PTPRC: variants seen among roughly 807,000 people sequenced by gnomAD.
PTPRC encodes protein tyrosine phosphatase receptor type C, also known as receptor-type tyrosine-protein phosphatase C.
PTPRC carries 44 observed loss-of-function variants against 155.9 expected under a neutral mutation model. The ratio of observed to expected loss-of-function variants is 0.28; its 90% CI spans 0.22 to 0.36. PTPRC has a LOEUF of 0.36. Among genes scored for constraint, PTPRC ranks in the 10% least tolerant of loss-of-function variants. The pLI is 1.00. For synonymous variants in PTPRC, 525 were observed against 533.1 expected, an observed-to-expected ratio of 0.98 and a Z score of 0.21; for missense variants, 1,401 against 1,564.6, an observed-to-expected ratio of 0.90 and a Z score of 1.76.
chr1:198,710,776 T>C (rs1469135774), intron 11 of PTPRC, among the ~76,000 whole-genome samples: 1 of 152,242 alleles, frequency 6.6e-6, no homozygotes, highest in Non-Finnish European at 1.5e-5. Flanking sequence ...GATCTTGCAG[T>C]CTGTCACATT....
intron 15 of PTPRC, 48 bp from the exon 16 acceptor site, chr1:198,728,292 C>T: frequency 6.8e-7 from 1 of 1,467,468 alleles, no homozygotes; most frequent in Non-Finnish European, 9.5e-7. Flanking sequence ...ACCAGTCTAG[C>T]AAGTTATTTG....
At chr1:198,737,346 AT>A (rs34364205) in intron 23 of PTPRC, among the ~76,000 whole-genome samples, 27,927 of 151,196 alleles carry the variant, frequency 0.18, 3,125 homozygotes, top group African/African-American at 0.29. Context: ...AGTCTAATCC[AT>A]TTTTTTTATT....
intron 2 of PTPRC, among the ~76,000 whole-genome samples, chr1:198,644,270 A>C (rs1159685867): frequency 2.6e-5 from 4 of 151,942 alleles, no homozygotes; most frequent in African/African-American, 9.7e-5. Flanking sequence ...ATCCCATAGC[A>C]GTGGCCTTTT....
chr1:198,655,691 T>A (rs923719111), intron 2 of PTPRC, among the ~76,000 whole-genome samples: 1 of 152,040 alleles, frequency 6.6e-6, no homozygotes, highest in South Asian at 2.1e-4. Flanking sequence ...GACAATCTAG[T>A]TGGAGAACTG....
intron 2 of PTPRC, among the ~76,000 whole-genome samples, chr1:198,665,520 T>C (rs932782782): frequency 1.3e-5 from 2 of 152,152 alleles, no homozygotes; most frequent in Non-Finnish European, 2.9e-5. Flanking sequence ...CCCCCAGGCA[T>C]ATACAGAGAA....
chr1:198,729,129 T>A lies in PTPRC; in HGVS notation c.1830-8T>A. ...GAATATAGAAACTTATTTTTCCTAT[T>A]TTCACAGCAATTTAGATGAACAGCA... On this transcript the variant is annotated splice_polypyrimidine_tract_variant and splice_region_variant and intron_variant, in intron 16 of 32. Coordinates refer to ENST00000442510, the MANE Select transcript of PTPRC (RefSeq NM_002838.5). The A allele has an allele frequency of 6.2e-7, 1 of 1,610,598 alleles. No homozygotes were observed. The highest frequency in any genetic ancestry group is 8.5e-7 in the Non-Finnish European group (1 of 1,178,160).
At chr1:198,695,362 T>C (rs928889839) in intron 3 of PTPRC, among the ~76,000 whole-genome samples, 3 of 150,942 alleles carry the variant, frequency 2.0e-5, no homozygotes, top group Non-Finnish European at 4.4e-5. Context: ...GTTCAGTTTT[T>C]ACCTAATTAA....
intron 23 of PTPRC, among the ~76,000 whole-genome samples, chr1:198,739,170 G>A (rs1266833262): frequency 2.6e-5 from 4 of 151,034 alleles, no homozygotes; most frequent in Non-Finnish European, 5.9e-5. Context: ...AGGAAGAGGA[G>A]GCCACAAAAC....
chr1:198,646,662 C>T (rs576142872), intron 2 of PTPRC, among the ~76,000 whole-genome samples: 9 of 151,818 alleles, frequency 5.9e-5, no homozygotes, highest in East Asian at 1.9e-4. Flanking sequence ...TTAAGACTTT[C>T]GATTATTTCT....
At chr1:198,708,804 T>C (rs772186935) in intron 10 of PTPRC, among the ~76,000 whole-genome samples, 3 of 152,146 alleles carry the variant, frequency 2.0e-5, no homozygotes, top group Non-Finnish European at 4.4e-5. Flanking sequence ...ATAATTGAGA[T>C]AGTATTTTTA....
At chr1:198,717,943 T>C in intron 13 of PTPRC, 151 bp from the exon 14 acceptor site, 1 of 684,552 alleles carries the variant, frequency 1.5e-6, no homozygotes, top group Non-Finnish European at 2.5e-6. Flanking sequence ...GGTTTTGATA[T>C]TGTTTTTTAA....
chr1:198,707,107 T>C (rs1296449963), intron 9 of PTPRC, among the ~76,000 whole-genome samples, 155 bp downstream of exon 9: 1 of 152,206 alleles, frequency 6.6e-6, no homozygotes, highest in East Asian at 1.9e-4. Flanking sequence ...TCTGCTGTCT[T>C]AACCAAGTAA....
chr1:198,658,506 T>C (rs1227927843), intron 2 of PTPRC, among the ~76,000 whole-genome samples: 1 of 152,178 alleles, frequency 6.6e-6, no homozygotes, highest in Non-Finnish European at 1.5e-5. Flanking sequence ...ACGTAGAATG[T>C]TTACCATGAT....
At chr1:198,701,485 T>C (rs1222589499) in intron 5 of PTPRC, among the ~76,000 whole-genome samples, 1 of 152,094 alleles carries the variant, frequency 6.6e-6, no homozygotes, top group Non-Finnish European at 1.5e-5. Flanking sequence ...TTTCTTTTGC[T>C]TTTTCCATGG....
At chr1:198,735,971 T>C (rs1490920491) in intron 23 of PTPRC, among the ~76,000 whole-genome samples, 1 of 151,604 alleles carries the variant, frequency 6.6e-6, no homozygotes, top group Non-Finnish European at 1.5e-5. Context: ...GAATACCAAA[T>C]TGTACATTTT....
chr1:198,689,171 A>G (rs1475006607), intron 2 of PTPRC, among the ~76,000 whole-genome samples: 1 of 152,072 alleles, frequency 6.6e-6, no homozygotes, highest in Non-Finnish European at 1.5e-5. Flanking sequence ...AATAATATAC[A>G]TCATGTATTT....
chr1:198,716,930 G>A, intron 13 of PTPRC, 90 bp downstream of exon 13: 1 of 1,265,418 alleles, frequency 7.9e-7, no homozygotes. Flanking sequence ...CTTTATTCTA[G>A]CAAGCACATT....
At chr1:198,649,061 G>A (rs555871057) in intron 2 of PTPRC, among the ~76,000 whole-genome samples, 2 of 151,822 alleles carry the variant, frequency 1.3e-5, no homozygotes, top group South Asian at 2.1e-4. Context: ...AGCATATTAA[G>A]TGAACCAGGT....
At chr1:198,717,292 T>C (rs1233622201) in intron 13 of PTPRC, among the ~76,000 whole-genome samples, 7 of 152,250 alleles carry the variant, frequency 4.6e-5, no homozygotes, top group Non-Finnish European at 8.8e-5. Context: ...TTCGTTACCC[T>C]CAACTACTTA....
Sources: gnomAD v4.1 joint callset for allele counts (sites outside exome capture counted in the v4.1 genomes callset) on GRCh38, gnomAD v4.1.1 for gene constraint, MANE v1.5 for transcripts, NCBI Gene and HGNC (gene_info 2026-07-23, HGNC 2026-07-21) for gene names.